The following COL16A1 variants were observed in gnomAD, a reference collection of about 807,000 sequenced individuals.
COL16A1 encodes collagen alpha-1(XVI) chain.
In COL16A1, 189 loss-of-function variants were observed where a neutral mutation model predicts 266.3. The ratio of observed to expected loss-of-function variants is 0.71; its 90% confidence interval spans 0.63 to 0.80. The LOEUF (loss-of-function observed/expected upper bound fraction) is 0.80, where lower values mean the gene tolerates loss of function less well. COL16A1 is among the 30% of genes least tolerant of loss of function. COL16A1 has a pLI of 0.00. For synonymous variants in COL16A1, 740 were observed against 782.3 expected, an observed-to-expected ratio of 0.95 and a Z score of 0.90; for missense variants, 1,928 against 2,122.4, an observed-to-expected ratio of 0.91 and a Z score of 1.80.
At chr1:31,662,542 G>C (rs770902707) in intron 57 of COL16A1, 45 bp downstream of exon 57, 1 of 1,549,744 alleles carries the variant, frequency 6.5e-7, no homozygotes, top group Non-Finnish European at 8.7e-7. Flanking sequence ...ACACACATGC[G>C]CATGCATCGC....
At chr1:31,654,711 G>A in intron 68 of COL16A1, 81 bp downstream of exon 68, 1 of 1,609,848 alleles carries the variant, frequency 6.2e-7, no homozygotes, top group South Asian at 1.1e-5. Context: ...GAGCGTTAAG[G>A]AGAAAGAGGC....
chr1:31,652,568 C>A lies in COL16A1; in HGVS notation c.*83G>T, dbSNP rs950436227. ...AAAACAACAACAACAACAAAAAAAACATTCACAACCTGTCACAGAGTCCTA... is the reference window on the plus strand; with the variant it reads ...AAAACAACAACAACAACAAAAAAAAAATTCACAACCTGTCACAGAGTCCTA... On this transcript the variant is annotated 3_prime_UTR_variant, in exon 71 of 71. Transcript: ENST00000373672. The surrounding 1 kb of genome is among the most constrained non-coding windows in gnomAD (Gnocchi z 4.8). 2.5e-5 allele frequency: 32 copies of A among 1,299,422 alleles called. No individual in the cohort carries two copies. Among genetic ancestry groups the A allele is most frequent in the South Asian group, 2.3e-4 (10 of 42,722 alleles). The allele number at this position is 1,299,422 out of a possible 1,614,324, so 80.5% of individuals were successfully genotyped here.
At chr1:31,686,968 G>C (rs918305614) in intron 26 of COL16A1, among the ~76,000 whole-genome samples, 3 of 152,240 alleles carry the variant, frequency 2.0e-5, no homozygotes, top group Non-Finnish European at 4.4e-5. Context: ...GATGAATTTG[G>C]GAAGGATGGG....
intron 52 of COL16A1, 156 bp from the exon 53 acceptor site, chr1:31,666,237 T>G: frequency 1.3e-6 from 1 of 780,556 alleles, no homozygotes; most frequent in East Asian, 2.7e-5. Context: ...CAGGCTTCCC[T>G]GCTCTTGCCC....
At chr1:31,702,526 T>A (rs1644758804) in intron 1 of COL16A1, among the ~76,000 whole-genome samples, 1 of 152,230 alleles carries the variant, frequency 6.6e-6, no homozygotes, top group East Asian at 1.9e-4. Context: ...TGCCAGTGGA[T>A]ACTTGCTGGA....
chr1:31,689,465 A>G (rs1644153224), intron 23 of COL16A1: 2 of 566,046 alleles, frequency 3.5e-6, no homozygotes, highest in Non-Finnish European at 6.3e-6. Context: ...ACTCACAGTA[A>G]GGGTGGGCTC....
At chr1:31,703,813 G>T (rs759937218) in intron 1 of COL16A1, 24 bp downstream of exon 1, 1 of 152,380 alleles carries the variant, frequency 6.6e-6, no homozygotes. Context: ...GAGCCCTGAG[G>T]CCGCCCACTG....
At position 31,670,573 on chromosome 1, in the gene COL16A1, G is replaced by A. The variant is rs2148705845; in HGVS notation, c.3195+29C>T. The A allele has an allele frequency of 3.7e-6, 5 of 1,367,240 alleles. No individual in the cohort carries two copies. The highest frequency in any genetic ancestry group is 4.7e-6 in the Non-Finnish European group (5 of 1,055,892). The allele number at this position is 1,367,240 out of a possible 1,614,324, so 84.7% of individuals were successfully genotyped here. ...ACAGAGACCTGGCTGACGGGGGGGA[G>A]GGGAGGTCGAGCAGCGCTAGGTTCT... On this transcript the variant is annotated intron_variant, in intron 49 of 70. Transcript: ENST00000373672. This position sits in a 1 kb window ranked among gnomAD's most constrained non-coding sequence, Gnocchi z 4.5.
At chr1:31,674,465 C>T (rs1643007883) in intron 44 of COL16A1, among the ~76,000 whole-genome samples, 1 of 152,262 alleles carries the variant, frequency 6.6e-6, no homozygotes, top group Non-Finnish European at 1.5e-5. Flanking sequence ...TCTGGTAGAG[C>T]ATTAAGGCTG....
chr1:31,703,031 A>G (rs1328417391), intron 1 of COL16A1, among the ~76,000 whole-genome samples: 2 of 152,206 alleles, frequency 1.3e-5, no homozygotes, highest in African/African-American at 4.8e-5. Context: ...AGAGCCATGC[A>G]TGTGTCAGCA....
Position 31,665,926 on chromosome 1 carries a change from C to T in COL16A1, c.3412G>A (p.Gly1138Arg). ...PGPPGPAGPR[G>R]ERGPQGNSGE... is the part of the protein sequence containing the mutation. The stretch of plus-strand genomic sequence containing the variant: ...GAGTTACCTTGGGGTCCTCGCTCTC[C>T]TCTGGGACCCTGTCACCCACAGAGA... Residue 1138 changes from glycine (G) to arginine (R), a missense_variant, in exon 54 of 71, where the codon GGA (glycine) becomes AGA (arginine). Physicochemically the swap from Gly to Arg is moderately radical, Grantham distance 125. This residue lies in a region of COL16A1 where 1,552 missense variants were observed against 1,637.2 expected (regional missense o/e 0.95). Coordinates refer to ENST00000373672, the MANE Select transcript of COL16A1 (RefSeq NM_001856.4). 2 of 1,614,140 alleles carry T rather than the reference C, an allele frequency of 1.2e-6. No homozygotes were observed. Among genetic ancestry groups the T allele is most frequent in the East Asian group, 2.2e-5 (1 of 44,870 alleles).
chr1:31,689,994 C>T (rs1198765666), intron 22 of COL16A1, 143 bp from the exon 23 acceptor site: 9 of 676,152 alleles, frequency 1.3e-5, no homozygotes, highest in Non-Finnish European at 2.3e-5. Flanking sequence ...AGGAATGCCG[C>T]TGGGGCTTCC....
At position 31,684,523 on chromosome 1, in the gene COL16A1, C is replaced by G. The variant is rs1643876770; in HGVS notation, c.2160G>C (p.Lys720Asn). 6.2e-7 allele frequency: 1 copy of G among 1,611,732 alleles called. No individual in the cohort carries two copies. The highest frequency in any genetic ancestry group is 8.5e-7 in the Non-Finnish European group (1 of 1,179,002). The change falls in exon 31 of 71, where the codon AAG (lysine) becomes AAC (asparagine). Residue 720 changes from lysine (K) to asparagine (N), a missense_variant and splice_region_variant. Physicochemically the swap from Lys to Asn is moderately conservative, Grantham distance 94. Around this residue, in one of 2 missense-constraint regions of COL16A1, gnomAD observed 1,552 missense variants for 1,637.2 expected, o/e 0.95. Coordinates refer to ENST00000373672, the MANE Select transcript of COL16A1 (RefSeq NM_001856.4). ...VQGPAGPKGE[K>N]GDGCTACPSL... Reference sequence around the variant, plus strand: ...ACCCCAACCACCCCGCCTGACTAACCTTTTCTCCTTTTGGCCCCGCGGGGC... The same window carrying G: ...ACCCCAACCACCCCGCCTGACTAACGTTTTCTCCTTTTGGCCCCGCGGGGC...
chr1:31,691,078 G>A lies in COL16A1; in HGVS notation c.1437+110C>T, dbSNP rs540603888. 52 of 1,511,236 alleles carry A rather than the reference G, an allele frequency of 3.4e-5. No individual in the cohort carries two copies. In the African/African-American group the frequency reaches 5.7e-4, roughly 17 times the overall value. The allele number at this position is 1,511,236 out of a possible 1,614,324, so 93.6% of individuals were successfully genotyped here. ...GCCCAGCCTCCTCCTCCAAAGGCCC[G>A]GCCTCCTCCCTGGGACTTGCTTCCC... is the stretch of plus-strand genomic sequence containing the variant. On this transcript the variant is annotated intron_variant, in intron 20 of 70. Coordinates refer to ENST00000373672, the MANE Select transcript of COL16A1 (RefSeq NM_001856.4).
At position 31,698,688 on chromosome 1, in the gene COL16A1, G is replaced by C; in HGVS notation, c.267-82C>G. The C allele has an allele frequency of 6.4e-7, 1 of 1,564,234 alleles. No individual in the cohort carries two copies. Among genetic ancestry groups the C allele is most frequent in the Admixed American group, 1.8e-5 (1 of 55,244 alleles). ...CACCCTGAGCCCTCAGGACTGCTGA[G>C]CCTACCCAAGACATCCACAGGCACA... is the stretch of plus-strand genomic sequence containing the variant. On this transcript the variant is annotated intron_variant, in intron 4 of 70. Transcript: ENST00000373672. This position sits in a 1 kb window ranked among gnomAD's most constrained non-coding sequence, Gnocchi z 4.1.
At chr1:31,679,737 C>G (rs199924741) in intron 41 of COL16A1, 52 bp from the exon 42 acceptor site, 4 of 1,610,414 alleles carry the variant, frequency 2.5e-6, no homozygotes, top group South Asian at 2.2e-5. Context: ...GCCCCATGGC[C>G]GAGAGCAGCT....
In COL16A1 at chr1:31,683,101, G is replaced by A. The variant is rs1035388119; in HGVS notation, c.2469+93C>T. 96 of 1,608,616 alleles carry A rather than the reference G, an allele frequency of 6.0e-5. 1 individual carries two copies. In the African/African-American group the frequency reaches 9.6e-4, roughly 16 times the overall value. ...CTCAACAGATCTTAGGCAGCCCTCT[G>A]ATAGGCATCACTTGGCCCCCATGTC... On this transcript the variant is annotated intron_variant, in intron 36 of 70. Transcript: ENST00000373672.
chr1:31,658,481 A>G lies in COL16A1; in HGVS notation c.4020+7T>C, dbSNP rs1487605016. 1 of 1,596,026 alleles carries G rather than the reference A, an allele frequency of 6.3e-7. No individual in the cohort carries two copies. On this transcript the variant is annotated splice_region_variant and intron_variant, in intron 64 of 70. Coordinates refer to ENST00000373672, the MANE Select transcript of COL16A1 (RefSeq NM_001856.4). ...CCTGGGCTATGCTGTAGAATGTGGGATCTTACTGGGGGGCCAGGGTGTCCA... is the reference window on the plus strand; with the variant it reads ...CCTGGGCTATGCTGTAGAATGTGGGGTCTTACTGGGGGGCCAGGGTGTCCA...
At chr1:31,677,727 T>C (rs1469840605) in intron 42 of COL16A1, among the ~76,000 whole-genome samples, 1 of 152,166 alleles carries the variant, frequency 6.6e-6, no homozygotes, top group African/African-American at 2.4e-5. Context: ...TATACCTGAA[T>C]AAAGGAGCTG....
Sources: gnomAD v4.1 joint callset for allele counts (sites outside exome capture counted in the v4.1 genomes callset) on GRCh38, gnomAD v4.1.1 for gene constraint, gnomAD v4.1.1 regional missense constraint, Gnocchi (gnomAD v3.1) non-coding constraint, MANE v1.5 for transcripts, NCBI Gene and HGNC (gene_info 2026-07-23, HGNC 2026-07-21) for gene names.